Variants in CECR2 observed in about 807,000 individuals in gnomAD.
CECR2 encodes chromatin remodeling regulator CECR2.
A neutral mutation model predicts 154.5 loss-of-function variants in CECR2; 30 were observed. The ratio of observed to expected loss-of-function variants is 0.19; its 90% CI spans 0.15 to 0.26. CECR2 has a LOEUF of 0.26. Among genes scored for constraint, CECR2 ranks in the 10% least tolerant of loss-of-function variants. The pLI is 1.00. For synonymous variants in CECR2, 725 were observed against 683.7 expected (o/e 1.06, Z -0.94); for missense variants, 1,743 against 1,829.3 (o/e 0.95, Z 0.86).
intron 1 of CECR2, among the ~76,000 whole-genome samples, chr22:17,408,725 G>A (rs1860308): frequency 0.57 from 85,946 of 152,064 alleles, 25,076 homozygotes; most frequent in African/African-American, 0.69. Flanking sequence ...AGCTAAACAT[G>A]AATATATTTT....
chr22:17,505,113 C>A, intron 7 of CECR2, 97 bp downstream of exon 7: 2 of 1,213,106 alleles, frequency 1.6e-6, no homozygotes, highest in Non-Finnish European at 2.3e-6. Context: ...ACCCCACTGT[C>A]CTGGAAATAG....
Position 17,499,454 on chromosome 22 carries a change from C to A in CECR2, c.450C>A (p.Asp150Glu), listed in dbSNP as rs1197109880. The A allele has an allele frequency of 6.2e-7, 1 of 1,613,862 alleles. No individual in the cohort carries two copies. Among genetic ancestry groups the A allele is most frequent in the Non-Finnish European group, 8.5e-7 (1 of 1,179,828 alleles). The change falls in exon 4 of 19, where the codon GAC (aspartate) becomes GAA (glutamate). Residue 150 changes from aspartate (D) to glutamate (E), a missense_variant. This residue lies in a region of CECR2 where 98 missense variants were observed against 169.3 expected (regional missense o/e 0.58). Transcript: ENST00000262608. ...TCCGTGTGGAGCCATTGGGTGAAGACAATTCTGGGGCACTATATTGGTATT... is the reference window on the plus strand; with the variant it reads ...TCCGTGTGGAGCCATTGGGTGAAGAAAATTCTGGGGCACTATATTGGTATT... The part of the protein sequence containing the change: ...DSLRVEPLGE[D>E]NSGALYWYFY...
intron 1 of CECR2, among the ~76,000 whole-genome samples, chr22:17,383,791 AGTAGCTGGGATTACAGACAT>A (rs2063228457): frequency 6.6e-6 from 1 of 150,600 alleles, no homozygotes; most frequent in Non-Finnish European, 1.5e-5. Context: ...CAGCCTCCCG[AGTAGCTGGGATTACAGACAT>A]GCACCACCAC....
chr22:17,383,178 T>C (rs558549731), intron 1 of CECR2, among the ~76,000 whole-genome samples: 1 of 152,136 alleles, frequency 6.6e-6, no homozygotes, highest in South Asian at 2.1e-4. Context: ...TGAGCCAAGA[T>C]CATGTCACTG....
upstream of CECR2, among the ~76,000 whole-genome samples, chr22:17,364,520 A>T (rs1252668462): frequency 6.6e-6 from 1 of 152,130 alleles, no homozygotes; most frequent in African/African-American, 2.4e-5. Context: ...CAATTTAAAT[A>T]GAAGAGAGAG....
intron 1 of CECR2, among the ~76,000 whole-genome samples, chr22:17,371,985 T>G (rs1431724250): frequency 6.6e-6 from 1 of 152,180 alleles, no homozygotes; most frequent in East Asian, 1.9e-4. Context: ...AGAGGTCAAA[T>G]TTATATGTAT....
chr22:17,532,683 G>T (rs2056374380), intron 9 of CECR2, among the ~76,000 whole-genome samples: 1 of 128,114 alleles, frequency 7.8e-6, no homozygotes, highest in South Asian at 2.7e-4. Flanking sequence ...CACCAAGTAG[G>T]TATATTCATT....
rs1204975078 is a variant in CECR2 at position 17,429,857 on chromosome 22, A to T, written c.127-47731A>T. Among the ~76,000 whole-genome samples, 2 of 152,196 alleles carry T rather than the reference A, an allele frequency of 1.3e-5. 1 individual carries two copies. The highest frequency in any genetic ancestry group is 4.8e-5 in the African/African-American group (2 of 41,452). On this transcript the variant is annotated intron_variant, in intron 1 of 18. Coordinates refer to ENST00000262608, the MANE Select transcript of CECR2 (RefSeq NM_001290047.2). Reference sequence around the variant, plus strand: ...CATTCATGGTCAGAGTGGCAGTAAGAAGTCCTATATGGCTGGTGGAAGACT... The same window carrying T: ...CATTCATGGTCAGAGTGGCAGTAAGTAGTCCTATATGGCTGGTGGAAGACT...
intron 8 of CECR2, chr22:17,518,759 A>T: frequency 2.7e-6 from 1 of 368,064 alleles, no homozygotes; most frequent in South Asian, 2.5e-5. Context: ...CTGCCTTCAC[A>T]TTTGTCACAA....
At chr22:17,541,297 T>TA (rs2056518997) in intron 14 of CECR2, among the ~76,000 whole-genome samples, 2 of 152,096 alleles carry the variant, frequency 1.3e-5, no homozygotes, top group South Asian at 4.1e-4. Flanking sequence ...CTACTAAAAA[T>TA]ACAAAAATTA....
At chr22:17,494,553 C>T (rs1224928794) in intron 2 of CECR2, among the ~76,000 whole-genome samples, 1 of 152,156 alleles carries the variant, frequency 6.6e-6, no homozygotes, top group Non-Finnish European at 1.5e-5. Context: ...TGCTGTAGTC[C>T]AGTGAGATTT....
At chr22:17,399,381 G>T (rs1440781915) in intron 1 of CECR2, among the ~76,000 whole-genome samples, 1 of 151,302 alleles carries the variant, frequency 6.6e-6, no homozygotes, top group Non-Finnish European at 1.5e-5. Flanking sequence ...AGGGTGCTTA[G>T]GGTTTGGATT....
At chr22:17,398,563 A>G (rs12159882) in intron 1 of CECR2, among the ~76,000 whole-genome samples, 3,867 of 152,298 alleles carry the variant, frequency 0.025, 159 homozygotes, top group African/African-American at 0.088. Context: ...CTGGAGCCAG[A>G]CGGGGTCTGT....
At position 17,499,455 on chromosome 22, in the gene CECR2, A is replaced by G; in HGVS notation, c.451A>G (p.Asn151Asp). ...CCGTGTGGAGCCATTGGGTGAAGAC[A>G]ATTCTGGGGCACTATATTGGTATTT... ...SLRVEPLGED[N>D]SGALYWYFYG... Residue 151 changes from asparagine to aspartate, a missense_variant, in exon 4 of 19, where the codon AAT becomes GAT. Physicochemically the swap from Asn to Asp is conservative, Grantham distance 23 (BLOSUM62 1). Transcript: ENST00000262608. 1.2e-6 allele frequency: 2 copies of G among 1,613,872 alleles called. No individual in the cohort carries two copies. The highest frequency in any genetic ancestry group is 1.1e-5 in the South Asian group (1 of 91,074).
At chr22:17,380,325 A>G (rs568456658) in intron 1 of CECR2, among the ~76,000 whole-genome samples, 9 of 152,290 alleles carry the variant, frequency 5.9e-5, no homozygotes, top group Admixed American at 3.3e-4. Flanking sequence ...AAACTGTAAT[A>G]TGGTTTATGC....
intron 1 of CECR2, among the ~76,000 whole-genome samples, chr22:17,388,344 G>A (rs2063289118): frequency 6.6e-6 from 1 of 152,170 alleles, no homozygotes; most frequent in African/African-American, 2.4e-5. Context: ...TGTTTCTCAT[G>A]CCCGAACTGA....
intron 7 of CECR2, among the ~76,000 whole-genome samples, chr22:17,508,545 G>A (rs370158620): frequency 3.3e-5 from 5 of 151,804 alleles, no homozygotes; most frequent in African/African-American, 7.3e-5. Flanking sequence ...GTGTGTAGTC[G>A]GCCCTACCAT....
At chr22:17,521,477 A>G (rs2056156085) in intron 8 of CECR2, among the ~76,000 whole-genome samples, 1 of 151,556 alleles carries the variant, frequency 6.6e-6, no homozygotes, top group Non-Finnish European at 1.5e-5. Flanking sequence ...GTGAGCCGAG[A>G]TGGCGCCACT....
chr22:17,430,761 C>T (rs1949748605), intron 1 of CECR2, among the ~76,000 whole-genome samples: 1 of 152,044 alleles, frequency 6.6e-6, no homozygotes, highest in Admixed American at 6.5e-5. Flanking sequence ...TGCAGTGTCT[C>T]TTGGTGGTTT....
Sources: gnomAD v4.1 joint callset for allele counts (sites outside exome capture counted in the v4.1 genomes callset) on GRCh38, gnomAD v4.1.1 for gene constraint, gnomAD v4.1.1 regional missense constraint, MANE v1.5 for transcripts, NCBI Gene and HGNC (gene_info 2026-07-23, HGNC 2026-07-21) for gene names.